The following SYNRG variants were observed in gnomAD, a reference collection of about 807,000 sequenced individuals.
SYNRG encodes the protein synergin gamma.
In SYNRG, 37 loss-of-function variants were observed where a neutral mutation model predicts 130.9. The observed-to-expected ratio is 0.28, with a 90% CI of 0.22 to 0.37. SYNRG has a LOEUF of 0.37. SYNRG is among the 10% of genes least tolerant of loss of function. The pLI is 1.00. For synonymous variants in SYNRG, 539 were observed against 568.1 expected (o/e 0.95, Z 0.73); for missense variants, 1,338 against 1,588.9 (o/e 0.84, Z 2.68).
At chr17:37,581,865 A>G (rs1045037417) in intron 6 of SYNRG, among the ~76,000 whole-genome samples, 11 of 151,768 alleles carry the variant, frequency 7.2e-5, no homozygotes, top group Non-Finnish European at 1.5e-4. Flanking sequence ...CCTGGGTTCA[A>G]GAGATTCTCC....
intron 8 of SYNRG, among the ~76,000 whole-genome samples, chr17:37,573,260 A>G (rs2060570757): frequency 6.6e-6 from 1 of 152,014 alleles, no homozygotes; most frequent in Non-Finnish European, 1.5e-5. Context: ...AAAATTAGCC[A>G]GGCGTGGTGG....
At chr17:37,548,762 G>A (rs1224366028) in intron 14 of SYNRG, among the ~76,000 whole-genome samples, 3 of 150,840 alleles carry the variant, frequency 2.0e-5, no homozygotes, top group Admixed American at 6.6e-5. Context: ...AGGTTGCAGT[G>A]AGCCGAGATC....
At chr17:37,525,915 A>G (rs566796902) in intron 19 of SYNRG, among the ~76,000 whole-genome samples, 5 of 152,282 alleles carry the variant, frequency 3.3e-5, no homozygotes, top group South Asian at 2.1e-4. Context: ...GAAGTGAGCC[A>G]AGATCGCGCC....
intron 11 of SYNRG, among the ~76,000 whole-genome samples, chr17:37,566,408 T>C (rs1017945581): frequency 6.8e-6 from 1 of 146,946 alleles, no homozygotes; most frequent in South Asian, 2.3e-4. Context: ...GTGCAAGATG[T>C]GCTTTGTTAA....
In SYNRG at chr17:37,517,909, C is replaced by T. The variant is rs529274170; in HGVS notation, c.*1031G>A. 7.2e-4 allele frequency: 109 copies of T among 152,330 alleles called. No individual in the cohort carries two copies. Among genetic ancestry groups the T allele is most frequent in the African/African-American group, 2.5e-3 (104 of 41,570 alleles). The allele number at this position is 152,330 out of a possible 1,614,324, so 9.4% of individuals were successfully genotyped here. On this transcript the variant is annotated 3_prime_UTR_variant, in exon 22 of 22. Coordinates refer to ENST00000612223, the MANE Select transcript of SYNRG (RefSeq NM_007247.6). Reference sequence around the variant, plus strand: ...TCCAGGAAGCATGAGCCTTTTCTATCTAAAATTCAGTACTGTTTCTGGACA... The same window carrying T: ...TCCAGGAAGCATGAGCCTTTTCTATTTAAAATTCAGTACTGTTTCTGGACA...
rs1254586216 is a variant in SYNRG, at chr17:37,515,168, A to G, written c.*3772T>C. 6.6e-6 allele frequency: 1 copy of G among 152,258 alleles called. No individual in the cohort carries two copies. Among genetic ancestry groups the G allele is most frequent in the Non-Finnish European group, 1.5e-5 (1 of 68,050 alleles). The allele number at this position is 152,258 out of a possible 1,614,324, so 9.4% of individuals were successfully genotyped here. On this transcript the variant is annotated 3_prime_UTR_variant, in exon 22 of 22. Coordinates refer to ENST00000612223, the MANE Select transcript of SYNRG (RefSeq NM_007247.6). ...TATAATGCTATTTTGTTAGAAAAGTATTTGTAAAGTGGCATTTTTCCCCCA... is the reference window on the plus strand; with the variant it reads ...TATAATGCTATTTTGTTAGAAAAGTGTTTGTAAAGTGGCATTTTTCCCCCA...
In SYNRG at chr17:37,584,719, T is replaced by G; in HGVS notation, c.518A>C (p.Lys173Thr). The change falls in exon 6 of 22, where the codon AAA becomes ACA. Residue 173 changes from lysine to threonine, a missense_variant. Physicochemically the swap from Lys to Thr is moderately conservative, Grantham distance 78. This residue lies in a region of SYNRG where 8 missense variants were observed against 29.4 expected (regional missense o/e 0.27). Coordinates refer to ENST00000612223, the MANE Select transcript of SYNRG (RefSeq NM_007247.6). Reference protein sequence around the residue: ...KSRDDALEAIKGNLDGFSRDA... With the variant: ...KSRDDALEAITGNLDGFSRDA... ...TCTGGAAAACCCATCTAAATTTCCT[T>G]TTATGGCTTCCAAAGCATCATCTCT... 6.2e-7 allele frequency: 1 copy of G among 1,613,734 alleles called. No individual in the cohort carries two copies. The highest frequency in any genetic ancestry group is 8.5e-7 in the Non-Finnish European group (1 of 1,179,692).
rs1482944598 is a variant in SYNRG at position 37,518,867 on chromosome 17, T to C, written c.*73A>G. 3.8e-5 allele frequency: 60 copies of C among 1,572,754 alleles called. No homozygotes were observed. Among genetic ancestry groups the C allele is most frequent in the Non-Finnish European group, 5.0e-5 (58 of 1,158,218 alleles). Reference sequence around the variant, plus strand: ...GAAGCGAACTGTGCAGTGCTCGCATTCTATTTATTGGTCCCTGTCACCCCG... The same window carrying C: ...GAAGCGAACTGTGCAGTGCTCGCATCCTATTTATTGGTCCCTGTCACCCCG... On this transcript the variant is annotated 3_prime_UTR_variant, in exon 22 of 22. Coordinates refer to ENST00000612223, the MANE Select transcript of SYNRG (RefSeq NM_007247.6).
At chr17:37,604,332 T>G (rs1186822516) in intron 1 of SYNRG, among the ~76,000 whole-genome samples, 1 of 152,156 alleles carries the variant, frequency 6.6e-6, no homozygotes, top group African/African-American at 2.4e-5. Flanking sequence ...AGCTTCTACA[T>G]CAGCACTTGC....
intron 19 of SYNRG, among the ~76,000 whole-genome samples, chr17:37,524,237 A>T (rs895982718): frequency 1.3e-5 from 2 of 152,224 alleles, no homozygotes; most frequent in African/African-American, 4.8e-5. Flanking sequence ...TTCCAGTCTG[A>T]ACCACTGAGG....
chr17:37,561,349 T>G (rs1319575745), intron 12 of SYNRG, 92 bp from the exon 13 acceptor site: 1 of 1,463,962 alleles, frequency 6.8e-7, no homozygotes, highest in Non-Finnish European at 9.6e-7. Flanking sequence ...CCAAACACTA[T>G]TAACATGTGG....
chr17:37,592,073 A>C (rs2062240565), intron 3 of SYNRG, among the ~76,000 whole-genome samples: 1 of 152,216 alleles, frequency 6.6e-6, no homozygotes, highest in Non-Finnish European at 1.5e-5. Context: ...CTAGTACCTA[A>C]AAGATATAAA....
chr17:37,559,706 G>GT (rs1458713720), intron 13 of SYNRG, among the ~76,000 whole-genome samples: 1 of 152,076 alleles, frequency 6.6e-6, no homozygotes, highest in Non-Finnish European at 1.5e-5. Context: ...AAAAAGACTA[G>GT]TTGCTGCCTT....
chr17:37,582,450 G>A (rs1400307861), intron 6 of SYNRG, among the ~76,000 whole-genome samples: 1 of 152,160 alleles, frequency 6.6e-6, no homozygotes, highest in Non-Finnish European at 1.5e-5. Context: ...GGGATATACT[G>A]TAAAGACCAA....
chr17:37,579,537 A>G, intron 6 of SYNRG: 1 of 905,450 alleles, frequency 1.1e-6, no homozygotes, highest in Non-Finnish European at 1.5e-6. Context: ...TGAAACATAA[A>G]TAGTGGAGGT....
At chr17:37,536,337 A>C in intron 18 of SYNRG, 1 of 574,062 alleles carries the variant, frequency 1.7e-6, no homozygotes, top group Non-Finnish European at 2.9e-6. Context: ...TTGGGTTCAA[A>C]CCCCAGCTAT....
At chr17:37,590,108 C>T (rs1275320295) in intron 3 of SYNRG, among the ~76,000 whole-genome samples, 1 of 150,854 alleles carries the variant, frequency 6.6e-6, no homozygotes, top group Non-Finnish European at 1.5e-5. Flanking sequence ...GAGGCGGCAG[C>T]TGCAGTGAGC....
chr17:37,518,830 T>G lies in SYNRG; in HGVS notation c.*110A>C. On this transcript the variant is annotated 3_prime_UTR_variant, in exon 22 of 22. Coordinates refer to ENST00000612223, the MANE Select transcript of SYNRG (RefSeq NM_007247.6). ...GCCCCGTCCCTTGCGGTGTTCTTCATATCGATTCAGGGAAGCGAACTGTGC... is the reference window on the plus strand; with the variant it reads ...GCCCCGTCCCTTGCGGTGTTCTTCAGATCGATTCAGGGAAGCGAACTGTGC... 6.8e-7 allele frequency: 1 copy of G among 1,465,796 alleles called. No individual in the cohort carries two copies. Among genetic ancestry groups the G allele is most frequent in the South Asian group, 1.4e-5 (1 of 72,646 alleles). 90.8% of individuals were successfully genotyped at this position (1,465,796 alleles called of 1,614,324 possible).
At chr17:37,579,276 G>C in intron 6 of SYNRG, 2 of 1,303,226 alleles carry the variant, frequency 1.5e-6, no homozygotes, top group Non-Finnish European at 2.0e-6. Flanking sequence ...TGGCCAAGTG[G>C]GGTGGAGGGG....
Sources: allele counts gnomAD v4.1 joint callset (sites outside exome capture counted in the v4.1 genomes callset), GRCh38; gene constraint gnomAD v4.1.1; regional missense constraint gnomAD v4.1.1; transcripts MANE v1.5; gene names NCBI Gene and HGNC (gene_info 2026-07-23, HGNC 2026-07-21).